ASTN1: variants seen among roughly 807,000 people sequenced by gnomAD.
ASTN1 encodes astrotactin-1.
A neutral mutation model predicts 140.7 loss-of-function variants in ASTN1; 41 were observed. The observed-to-expected ratio is 0.29, with a 90% CI of 0.23 to 0.38. The LOEUF (loss-of-function observed/expected upper bound fraction) is 0.38. Among genes scored for constraint, ASTN1 ranks in the 10% least tolerant of loss-of-function variants. The pLI is 1.00. For synonymous variants in ASTN1, 640 were observed against 652.2 expected (o/e 0.98, Z 0.29); for missense variants, 1,479 against 1,678.8 (o/e 0.88, Z 2.08).
chr1:176,898,076 T>A (rs1431976092), intron 16 of ASTN1, among the ~76,000 whole-genome samples: 2 of 152,162 alleles, frequency 1.3e-5, no homozygotes, highest in African/African-American at 4.8e-5. Context: ...TCTGAGGGGT[T>A]GCTCCCCTTG....
At chr1:177,076,079 A>T (rs1678889716) in intron 1 of ASTN1, among the ~76,000 whole-genome samples, 1 of 151,866 alleles carries the variant, frequency 6.6e-6, no homozygotes, top group Admixed American at 6.6e-5. Context: ...AAAGATCGAG[A>T]CCATCCTGGC....
rs370264967 is a variant in ASTN1 at position 177,111,002 on chromosome 1, T to C, written c.284-49737A>G. Among the ~76,000 whole-genome samples, 5 of 152,220 alleles carry C rather than the reference T, an allele frequency of 3.3e-5. No individual in the cohort carries two copies. The East Asian group carries it at 7.7e-4, about 23-fold the overall frequency. ...AAATCAAACAAGCAAAGTGAAATTC[T>C]ATGTAACCCTCCTACAGCTCTTCAA... On this transcript the variant is annotated intron_variant, in intron 1 of 22. Coordinates refer to ENST00000361833, the MANE Select transcript of ASTN1 (RefSeq NM_004319.3).
intron 17 of ASTN1, among the ~76,000 whole-genome samples, chr1:176,888,909 C>A (rs759522213): frequency 4.6e-5 from 7 of 152,156 alleles, no homozygotes; most frequent in African/African-American, 1.4e-4. Context: ...TAGCACTTTC[C>A]TAATAGGCTT....
intron 1 of ASTN1, among the ~76,000 whole-genome samples, chr1:177,155,253 A>T (rs369344202): frequency 1.4e-3 from 219 of 152,318 alleles, no homozygotes; most frequent in African/African-American, 5.0e-3. Context: ...TTGTAGGGTG[A>T]TCAAACTGTT....
intron 8 of ASTN1, among the ~76,000 whole-genome samples, chr1:176,995,883 G>A (rs754049594): frequency 3.3e-5 from 5 of 152,162 alleles, no homozygotes; most frequent in Admixed American, 2.6e-4. Context: ...GTGATGGCAG[G>A]TGAGTCTGTG....
At chr1:177,125,424 G>A (rs1681592963) in intron 1 of ASTN1, among the ~76,000 whole-genome samples, 1 of 152,166 alleles carries the variant, frequency 6.6e-6, no homozygotes, top group Non-Finnish European at 1.5e-5. Flanking sequence ...AGAATTAAAT[G>A]CTAATAGATG....
At chr1:177,001,080 C>T (rs1039357220) in intron 8 of ASTN1, among the ~76,000 whole-genome samples, 1 of 152,180 alleles carries the variant, frequency 6.6e-6, no homozygotes, top group African/African-American at 2.4e-5. Flanking sequence ...CACCCCCAGA[C>T]TTGGTAATAC....
intron 1 of ASTN1, among the ~76,000 whole-genome samples, chr1:177,113,337 C>T (rs1333092887): frequency 1.3e-5 from 2 of 152,150 alleles, no homozygotes; most frequent in African/African-American, 4.8e-5. Flanking sequence ...GGAAGCATAT[C>T]CAGGTTGAGC....
intron 16 of ASTN1, among the ~76,000 whole-genome samples, chr1:176,907,961 G>A (rs1254867797): frequency 2.0e-5 from 3 of 152,170 alleles, no homozygotes; most frequent in Non-Finnish European, 4.4e-5. Context: ...ACCTAAAACA[G>A]CATAACTGCG....
chr1:176,878,915 C>G (rs1274994055), intron 20 of ASTN1, among the ~76,000 whole-genome samples: 1 of 152,170 alleles, frequency 6.6e-6, no homozygotes, highest in Non-Finnish European at 1.5e-5. Flanking sequence ...CCGAGTGAGC[C>G]CCCTTCTCCC....
At chr1:177,110,191 G>C (rs1307823899) in intron 1 of ASTN1, among the ~76,000 whole-genome samples, 1 of 152,140 alleles carries the variant, frequency 6.6e-6, no homozygotes, top group African/African-American at 2.4e-5. Flanking sequence ...GATTTTACTA[G>C]GTCAGAATTT....
intron 16 of ASTN1, among the ~76,000 whole-genome samples, chr1:176,906,066 G>T (rs999521818): frequency 5.3e-5 from 8 of 152,240 alleles, no homozygotes; most frequent in African/African-American, 1.9e-4. Flanking sequence ...ACAGAGAAAT[G>T]GTGCTGTGGC....
chr1:177,041,725 C>T (rs1162829188), intron 2 of ASTN1, among the ~76,000 whole-genome samples: 6 of 152,208 alleles, frequency 3.9e-5, no homozygotes, highest in African/African-American at 7.2e-5. Flanking sequence ...GAAGAGGCAG[C>T]GGGTGCAGTA....
At chr1:176,989,890 C>A (rs540680022) in intron 8 of ASTN1, among the ~76,000 whole-genome samples, 4 of 152,020 alleles carry the variant, frequency 2.6e-5, no homozygotes, top group East Asian at 3.9e-4. Flanking sequence ...CTCCAATTAT[C>A]CAGCCTGAAT....
At chr1:177,092,725 GTTT>G (rs1679818567) in intron 1 of ASTN1, among the ~76,000 whole-genome samples, 1 of 152,122 alleles carries the variant, frequency 6.6e-6, no homozygotes, top group Admixed American at 6.6e-5. Context: ...GTGATAGGCA[GTTT>G]GCAGTTGTCC....
At chr1:176,912,192 T>C (rs1413034128) in intron 16 of ASTN1, among the ~76,000 whole-genome samples, 1 of 152,196 alleles carries the variant, frequency 6.6e-6, no homozygotes, top group East Asian at 1.9e-4. Context: ...AGAGCTACCA[T>C]CTATGGTGGA....
intron 1 of ASTN1, among the ~76,000 whole-genome samples, chr1:177,065,422 T>G (rs1038100425): frequency 2.2e-4 from 33 of 152,192 alleles, no homozygotes; most frequent in African/African-American, 7.5e-4. Context: ...CAGCAAATTG[T>G]GTTACATGGT....
intron 1 of ASTN1, among the ~76,000 whole-genome samples, chr1:177,072,353 T>A (rs1318572217): frequency 6.6e-6 from 1 of 152,160 alleles, no homozygotes; most frequent in Non-Finnish European, 1.5e-5. Context: ...TCCTGAAGAA[T>A]CACATCTGCA....
At chr1:177,036,298 C>T (rs1442039816) in intron 2 of ASTN1, among the ~76,000 whole-genome samples, 1 of 151,976 alleles carries the variant, frequency 6.6e-6, no homozygotes, top group Non-Finnish European at 1.5e-5. Context: ...CCACCCGCCT[C>T]AGCCTCCCAA....
Sources: allele counts gnomAD v4.1 joint callset (sites outside exome capture counted in the v4.1 genomes callset), GRCh38; gene constraint gnomAD v4.1.1; transcripts MANE v1.5; gene names NCBI Gene and HGNC (gene_info 2026-07-23, HGNC 2026-07-21).